The following PSORS1C2 variants were observed in gnomAD, a reference collection of about 807,000 sequenced individuals.
PSORS1C2 encodes psoriasis susceptibility 1 candidate gene 2 protein.
PSORS1C2 carries 13 observed loss-of-function variants against 12.2 expected under a neutral mutation model. That is an observed-to-expected ratio of 1.07 (90% CI 0.70 to 1.70). PSORS1C2 has a LOEUF of 1.70. Ranked by LOEUF, PSORS1C2 falls within the 40% of genes most tolerant of loss-of-function variation. The pLI is 0.00. For synonymous variants in PSORS1C2, 76 were observed against 69.2 expected (o/e 1.10, Z -0.49); for missense variants, 186 against 173.4 (o/e 1.07, Z -0.41).
At position 31,138,090 on chromosome 6, in the gene PSORS1C2, G is replaced by T. The variant is rs1483909070; in HGVS notation, c.272C>A (p.Pro91His). The change falls in exon 2 of 2, where the codon CCT (proline) becomes CAT (histidine). Residue 91 changes from proline (P) to histidine (H), a missense_variant. By Grantham distance (77) the Pro-to-His change is moderately conservative. Transcript: ENST00000259845. ...VWLPEPPRTD[P>H]PQPPRPDDPW... ...GTCGTCAGGCCGGGGAGGTTGAGGA[G>T]GATCCGTTCTAGGCGGTTCAGGGAG... 1.9e-6 allele frequency: 3 copies of T among 1,583,894 alleles called. No individual in the cohort carries two copies. In the South Asian group the frequency reaches 3.4e-5, roughly 18 times the overall value.
chr6:31,138,506 A>AC, intron 1 of PSORS1C2, 200 bp from the exon 2 acceptor site: 1 of 1,607,812 alleles, frequency 6.2e-7, no homozygotes, highest in Non-Finnish European at 8.5e-7. Context: ...ATGAACCCCT[A>AC]CCCCCGATGG....
rs1561776354 is a variant in PSORS1C2, at chr6:31,138,271, G to GT, written c.90dup (p.Pro31ThrfsTer22). On this transcript the variant is annotated frameshift_variant, in exon 2 of 2. Transcript: ENST00000259845. LOFTEE classifies it high-confidence loss of function. ...CCTGCCTCCTCTCGGTCCTCTGCGG[G>GT]TGGGTGAGAGGGGTGGCCCTCGCTG... 6.3e-7 allele frequency: 1 copy of GT among 1,580,456 alleles called. No individual in the cohort carries two copies. Among genetic ancestry groups the GT allele is most frequent in the South Asian group, 1.2e-5 (1 of 86,182 alleles).
chr6:31,138,867 T>C, intron 1 of PSORS1C2, 105 bp downstream of exon 1: 1 of 1,601,284 alleles, frequency 6.2e-7, no homozygotes, highest in Non-Finnish European at 8.6e-7. Flanking sequence ...ACCTTCTGCG[T>C]CCCCTGAATT....
rs9501057 is a variant in PSORS1C2, at chr6:31,138,739, C to T, written c.55+233G>A. 0.036 allele frequency: 58,470 copies of T among 1,613,950 alleles called. 2,128 individuals are homozygous for T. Among genetic ancestry groups the T allele is most frequent in the East Asian group, 0.18 (7,873 of 44,858 alleles). ...GGAAACTCGTCCCCCCCACGTTAAT[C>T]CTGACCGACTTTGCCACATGGAGCC... On this transcript the variant is annotated intron_variant, in intron 1 of 1. Coordinates refer to ENST00000259845, the MANE Select transcript of PSORS1C2 (RefSeq NM_014069.3).
chr6:31,138,248 T>C lies in PSORS1C2; in HGVS notation c.114A>G (p.Ala38=). The change falls in exon 2 of 2, where the codon GCA becomes GCG. Residue 38 remains alanine, a synonymous_variant. Transcript: ENST00000259845. ...GGCCCTGAGGCAATGTTGGGGAGCC[T>C]GCCTCCTCTCGGTCCTCTGCGGGTG... The part of the protein sequence containing the change: ...SHPPAEDREE[A]GSPTLPQGPP... 2 of 1,568,122 alleles carry C rather than the reference T, an allele frequency of 1.3e-6. No homozygotes were observed. Among genetic ancestry groups the C allele is most frequent in the Non-Finnish European group, 1.7e-6 (2 of 1,158,154 alleles).
intron 1 of PSORS1C2, 178 bp downstream of exon 1, chr6:31,138,794 C>T (rs1773302151): frequency 6.2e-7 from 1 of 1,614,110 alleles, no homozygotes; most frequent in African/African-American, 1.3e-5. Flanking sequence ...GAGCCAAATG[C>T]ACCTTCTGCA....
In PSORS1C2 at chr6:31,138,253, C is replaced by T; in HGVS notation, c.109G>A (p.Glu37Lys). Residue 37 changes from glutamate (E) to lysine (K), a missense_variant, in exon 2 of 2, where the codon GAG becomes AAG. Physicochemically the swap from Glu to Lys is moderately conservative, Grantham distance 56. Transcript: ENST00000259845. ...PSHPPAEDRE[E>K]AGSPTLPQGP... ...TGAGGCAATGTTGGGGAGCCTGCCTCCTCTCGGTCCTCTGCGGGTGGGTGA... is the reference window on the plus strand; with the variant it reads ...TGAGGCAATGTTGGGGAGCCTGCCTTCTCTCGGTCCTCTGCGGGTGGGTGA... 1 of 1,567,886 alleles carries T rather than the reference C, an allele frequency of 6.4e-7. No homozygotes were observed. Among genetic ancestry groups the T allele is most frequent in the Non-Finnish European group, 8.6e-7 (1 of 1,157,854 alleles).
Position 31,138,839 on chromosome 6 carries a change from T to G in PSORS1C2, c.55+133A>C. 6 of 1,611,372 alleles carry G rather than the reference T, an allele frequency of 3.7e-6. No individual in the cohort carries two copies. In the South Asian group the frequency reaches 6.6e-5, roughly 18 times the overall value. ...CCACCCAATGTGTCCAGAAAGCCAT[T>G]TCTGGTGAGCCAGATGCACCTTCTG... On this transcript the variant is annotated intron_variant, in intron 1 of 1. Transcript: ENST00000259845.
In PSORS1C2 at chr6:31,137,631, G is replaced by A. The variant is rs1192552759; in HGVS notation, c.*320C>T. The A allele has an allele frequency of 8.8e-6, 3 of 340,070 alleles. No homozygotes were observed. Among genetic ancestry groups the A allele is most frequent in the East Asian group, 4.5e-5 (1 of 22,382 alleles). 21.1% of individuals were successfully genotyped at this position (340,070 alleles called of 1,614,324 possible). A position where few individuals can be genotyped will look rare whatever the true frequency, so the allele number is the denominator to read the frequency against. On this transcript the variant is annotated 3_prime_UTR_variant, in exon 2 of 2. Transcript: ENST00000259845. ...CCACCAGGTGGCAGAAGGGAACACA[G>A]TACCATAGCCCTGCCCCAGCGATCG...
At position 31,139,028 on chromosome 6, in the gene PSORS1C2, G is replaced by A; in HGVS notation, c.-2C>T. 1 of 1,613,980 alleles carries A rather than the reference G, an allele frequency of 6.2e-7. No homozygotes were observed. The highest frequency in any genetic ancestry group is 8.5e-7 in the Non-Finnish European group (1 of 1,179,902). On this transcript the variant is annotated 5_prime_UTR_variant, in exon 1 of 2. Transcript: ENST00000259845. The surrounding 1 kb of genome is among the most constrained non-coding windows in gnomAD (Gnocchi z 5.2). ...CAGGAGCTTCCAGTTGAGGATCATG[G>A]CTATGTACTGGCCCCCAAAGCTGGG... is the stretch of plus-strand genomic sequence containing the variant.
intron 1 of PSORS1C2, chr6:31,138,753 C>G (rs1208277244): frequency 1.2e-6 from 2 of 1,614,140 alleles, no homozygotes; most frequent in South Asian, 2.2e-5. Context: ...ACCGACTTTG[C>G]CACATGGAGC....
In PSORS1C2 at chr6:31,137,741, A is replaced by G. The variant is rs894147166; in HGVS notation, c.*210T>C. 7.5e-6 allele frequency: 3 copies of G among 402,672 alleles called. No individual in the cohort carries two copies. The highest frequency in any genetic ancestry group is 1.3e-5 in the Non-Finnish European group (3 of 228,504). 24.9% of individuals were successfully genotyped at this position (402,672 alleles called of 1,614,324 possible). A position where few individuals can be genotyped will look rare whatever the true frequency, so the allele number is the denominator to read the frequency against. Reference sequence around the variant, plus strand: ...GAGTAGGCTTAGGCTGTCAGAGGAAAAAACGGGCGATGTGAGGACTAAGTA... The same window carrying G: ...GAGTAGGCTTAGGCTGTCAGAGGAAGAAACGGGCGATGTGAGGACTAAGTA... On this transcript the variant is annotated 3_prime_UTR_variant, in exon 2 of 2. Coordinates refer to ENST00000259845, the MANE Select transcript of PSORS1C2 (RefSeq NM_014069.3).
In PSORS1C2 at chr6:31,138,168, G is replaced by A. The variant is rs148915508; in HGVS notation, c.194C>T (p.Pro65Leu). 6.9e-6 allele frequency: 11 copies of A among 1,593,010 alleles called. No homozygotes were observed. Among genetic ancestry groups the A allele is most frequent in the Non-Finnish European group, 9.4e-6 (11 of 1,171,900 alleles). Residue 65 changes from proline to leucine, a missense_variant, in exon 2 of 2, where the codon CCG (proline) becomes CTG (leucine). Physicochemically the swap from Pro to Leu is moderately conservative, Grantham distance 98. Coordinates refer to ENST00000259845, the MANE Select transcript of PSORS1C2 (RefSeq NM_014069.3). ...CCAGGGACGACTGGGGCGGGTAGGC[G>A]GAGGATCTTCAAAGAGAGGGGGTGC... is the stretch of plus-strand genomic sequence containing the variant. The part of the protein sequence containing the change: ...PGAPPLFEDP[P>L]PTRPSRPWRD...
At chr6:31,138,569 G>C in intron 1 of PSORS1C2, 1 of 1,608,900 alleles carries the variant, frequency 6.2e-7, no homozygotes, top group Non-Finnish European at 8.5e-7. Context: ...CTCCAAATAA[G>C]CTCCATCCAC....
At position 31,137,879 on chromosome 6, in the gene PSORS1C2, C is replaced by T; in HGVS notation, c.*72G>A. The T allele has an allele frequency of 1.5e-6, 1 of 660,036 alleles. No individual in the cohort carries two copies. The highest frequency in any genetic ancestry group is 3.1e-5 in the East Asian group (1 of 32,318). The allele number at this position is 660,036 out of a possible 1,614,324, so 40.9% of individuals were successfully genotyped here. A position where few individuals can be genotyped will look rare whatever the true frequency, so the allele number is the denominator to read the frequency against. On this transcript the variant is annotated 3_prime_UTR_variant, in exon 2 of 2. Transcript: ENST00000259845. Reference sequence around the variant, plus strand: ...GACAGGCTAAATTGGGAAGAATTCACGGGGAATCAGAGGGTGGAGAGGGCG... The same window carrying T: ...GACAGGCTAAATTGGGAAGAATTCATGGGGAATCAGAGGGTGGAGAGGGCG...
rs1307766279 is a variant in PSORS1C2 at position 31,138,800 on chromosome 6, C to T, written c.55+172G>A. ...TTCTGGTGAGAGCCAAATGCACCTT[C>T]TGCACCATGTCCCCCACCCAATGTG... On this transcript the variant is annotated intron_variant, in intron 1 of 1. Coordinates refer to ENST00000259845, the MANE Select transcript of PSORS1C2 (RefSeq NM_014069.3). 5 of 1,613,978 alleles carry T rather than the reference C, an allele frequency of 3.1e-6. No individual in the cohort carries two copies. In the Admixed American group the frequency reaches 5.0e-5, roughly 16 times the overall value.
chr6:31,137,771 T>C lies in PSORS1C2; in HGVS notation c.*180A>G, dbSNP rs1345463426. The C allele has an allele frequency of 2.4e-6, 1 of 415,674 alleles. No individual in the cohort carries two copies. Among genetic ancestry groups the C allele is most frequent in the Non-Finnish European group, 4.3e-6 (1 of 234,946 alleles). The allele number at this position is 415,674 out of a possible 1,614,324, so 25.7% of individuals were successfully genotyped here. ...GGGCGATGTGAGGACTAAGTATGGA[T>C]CTCAGGAGGGGACAGGAAATATTGA... On this transcript the variant is annotated 3_prime_UTR_variant, in exon 2 of 2. Transcript: ENST00000259845.
At chr6:31,138,667 C>T (rs1385793142) in intron 1 of PSORS1C2, 1 of 1,613,260 alleles carries the variant, frequency 6.2e-7, no homozygotes. Context: ...CACACAGACC[C>T]CAGCTTTACA....
rs1170475635 is a variant in PSORS1C2 at position 31,137,661 on chromosome 6, G to C, written c.*290C>G. On this transcript the variant is annotated 3_prime_UTR_variant, in exon 2 of 2. Coordinates refer to ENST00000259845, the MANE Select transcript of PSORS1C2 (RefSeq NM_014069.3). ...ATAGCCCTGCCCCAGCGATCGCGCG[G>C]GCAGGAAGACCGGGTGGGAGGTAGG... 1 of 359,522 alleles carries C rather than the reference G, an allele frequency of 2.8e-6. No homozygotes were observed. The highest frequency in any genetic ancestry group is 5.0e-6 in the Non-Finnish European group (1 of 201,862). 22.3% of individuals were successfully genotyped at this position (359,522 alleles called of 1,614,324 possible). A position where few individuals can be genotyped will look rare whatever the true frequency, so the allele number is the denominator to read the frequency against.
Sources: allele counts gnomAD v4.1 joint callset, GRCh38; gene constraint gnomAD v4.1.1; non-coding constraint Gnocchi (gnomAD v3.1); transcripts MANE v1.5; gene names NCBI Gene and HGNC (gene_info 2026-07-23, HGNC 2026-07-21).